ARMH4: variants seen among roughly 807,000 people sequenced by gnomAD.
ARMH4 encodes armadillo-like helical domain-containing protein 4.
In ARMH4, 49 loss-of-function variants were observed where a neutral mutation model predicts 61.9. The ratio of observed to expected loss-of-function variants is 0.79; its 90% CI spans 0.63 to 1.00. The LOEUF (loss-of-function observed/expected upper bound fraction) is 1.00. Ranked by LOEUF, ARMH4 falls within the 50% of genes least tolerant of loss-of-function variation. ARMH4 has a pLI of 0.00. For missense variants in ARMH4, 934 were observed against 930.0 expected (o/e 1.00, Z -0.06); for synonymous variants, 368 against 341.5 (o/e 1.08, Z -0.85).
chr14:58,007,411 T>C (rs886948177), intron 6 of ARMH4, among the ~76,000 whole-genome samples: 11 of 152,238 alleles, frequency 7.2e-5, no homozygotes, highest in Non-Finnish European at 1.5e-4. Flanking sequence ...TGTTTTAAAG[T>C]ATACTTTCAT....
chr14:58,131,874 T>C (rs1156958763), intron 3 of ARMH4, among the ~76,000 whole-genome samples, 153 bp from the exon 4 acceptor site: 1 of 152,234 alleles, frequency 6.6e-6, no homozygotes, highest in East Asian at 1.9e-4. Context: ...TCCCATATTG[T>C]ATTAATCCAA....
chr14:58,070,625 C>T (rs1039874374), intron 5 of ARMH4, among the ~76,000 whole-genome samples: 1 of 152,196 alleles, frequency 6.6e-6, no homozygotes, highest in African/African-American at 2.4e-5. Flanking sequence ...TTTCACTGTT[C>T]TGAATGTCCA....
intron 5 of ARMH4, among the ~76,000 whole-genome samples, chr14:58,045,054 CG>C (rs1883882789): frequency 1.3e-5 from 2 of 152,146 alleles, no homozygotes; most frequent in South Asian, 4.1e-4. Context: ...GACAGTATGG[CG>C]ATTCCTCAGG....
chr14:58,050,733 A>C (rs956744029), intron 5 of ARMH4, among the ~76,000 whole-genome samples: 1 of 152,064 alleles, frequency 6.6e-6, no homozygotes, highest in Admixed American at 6.5e-5. Flanking sequence ...GCAGGTCAAC[A>C]ATGTTAAGTA....
At chr14:58,110,016 C>A (rs935530487) in intron 4 of ARMH4, among the ~76,000 whole-genome samples, 3 of 152,154 alleles carry the variant, frequency 2.0e-5, no homozygotes, top group Non-Finnish European at 4.4e-5. Context: ...CTCACTACCA[C>A]AAGAACAGCA....
At chr14:58,094,989 G>C (rs1885700134) in intron 5 of ARMH4, among the ~76,000 whole-genome samples, 1 of 152,174 alleles carries the variant, frequency 6.6e-6, no homozygotes, top group African/African-American at 2.4e-5. Context: ...CTATTCAGTG[G>C]TAAATTTGCA....
rs1887425722 is a variant in ARMH4, at chr14:58,138,906, C to T, written c.453G>A (p.Ala151=). The stretch of plus-strand genomic sequence containing the variant: ...TTTCATCAACAGTCAGAGAAGGAGT[C>T]GCAGTGATAGCAATGGTTAACATGG... ...AKAMLTIAIT[A]TPSLTVDEKE... The change falls in exon 2 of 8, where the codon GCG becomes GCA. Residue 151 remains alanine, a synonymous_variant. Transcript: ENST00000267485. The T allele has an allele frequency of 1.2e-6, 2 of 1,614,132 alleles. No individual in the cohort carries two copies. Among genetic ancestry groups the T allele is most frequent in the Non-Finnish European group, 1.7e-6 (2 of 1,180,030 alleles).
At chr14:58,136,389 A>G (rs924271877) in intron 2 of ARMH4, among the ~76,000 whole-genome samples, 2 of 152,200 alleles carry the variant, frequency 1.3e-5, no homozygotes, top group African/African-American at 4.8e-5. Flanking sequence ...GAAGAACTGA[A>G]GTAAACTTGT....
At chr14:58,086,829 G>A (rs1045600125) in intron 5 of ARMH4, among the ~76,000 whole-genome samples, 1 of 152,174 alleles carries the variant, frequency 6.6e-6, no homozygotes, top group Non-Finnish European at 1.5e-5. Flanking sequence ...GTGAGTTAGG[G>A]TTCCCAGGAA....
rs766680136 is a variant in ARMH4, at chr14:58,005,178, C to T, written c.2126G>A (p.Gly709Asp). ...SWMEKLKDKA[G>D]YMSGMLVPVG... Reference sequence around the variant, plus strand: ...AGGCACCAGCATCCCAGACATGTAACCAGCCTGCATAGAAAAGGAAACACA... The same window carrying T: ...AGGCACCAGCATCCCAGACATGTAATCAGCCTGCATAGAAAAGGAAACACA... Residue 709 changes from glycine (G) to aspartate (D), a missense_variant, in exon 7 of 8, where the codon GGT (glycine) becomes GAT (aspartate). Transcript: ENST00000267485. The T allele has an allele frequency of 6.2e-7, 1 of 1,613,914 alleles. No homozygotes were observed. The highest frequency in any genetic ancestry group is 8.5e-7 in the Non-Finnish European group (1 of 1,179,894).
In ARMH4 at chr14:58,045,229, T is replaced by C. The variant is rs574703269; in HGVS notation, c.2090-33079A>G. 3.7e-3 allele frequency among the ~76,000 whole-genome samples: 567 copies of C among 152,250 alleles called. 4 individuals carry two copies. Among genetic ancestry groups the C allele is most frequent in the African/African-American group, 0.013 (543 of 41,542 alleles). ...AACCAACCCAAATGTCCAATAATGA[T>C]AGACTGGATTAAGACAATGTGGCAC... On this transcript the variant is annotated intron_variant, in intron 5 of 7. Coordinates refer to ENST00000267485, the MANE Select transcript of ARMH4 (RefSeq NM_001001872.4).
At position 58,103,525 on chromosome 14, in the gene ARMH4, C is replaced by CA. The variant is rs796318397; in HGVS notation, c.1832-6545dup. Among the ~76,000 whole-genome samples the CA allele has an allele frequency of 3.1e-3, 465 of 149,852 alleles. 1 individual carries two copies. Among genetic ancestry groups the CA allele is most frequent in the African/African-American group, 9.8e-3 (400 of 40,826 alleles). On this transcript the variant is annotated intron_variant, in intron 4 of 7. Transcript: ENST00000267485. ...TCATAAAACCAACTCCCGCCCCCCC[C>CA]AAAAAAAAACCCTACTTAAAAACTT...
At position 58,109,692 on chromosome 14, in the gene ARMH4, A is replaced by T. The variant is rs904051560; in HGVS notation, c.1832-12711T>A. ...GCTGTTCTGAATTAATGCAATGTAAAAATAAAATAATGAAATCTTACTGTT... is the reference window on the plus strand; with the variant it reads ...GCTGTTCTGAATTAATGCAATGTAATAATAAAATAATGAAATCTTACTGTT... On this transcript the variant is annotated intron_variant, in intron 4 of 7. Coordinates refer to ENST00000267485, the MANE Select transcript of ARMH4 (RefSeq NM_001001872.4). Among the ~76,000 whole-genome samples the T allele has an allele frequency of 3.3e-5, 5 of 152,224 alleles. No homozygotes were observed. In the East Asian group the frequency reaches 7.7e-4, roughly 23 times the overall value.
rs368781603 is a variant in ARMH4, at chr14:58,139,196, G to T, written c.163C>A (p.Leu55Ile). Residue 55 changes from leucine to isoleucine, a missense_variant, in exon 2 of 8, where the codon CTA (leucine) becomes ATA (isoleucine). Physicochemically the swap from Leu to Ile is conservative, Grantham distance 5 (BLOSUM62 2). Transcript: ENST00000267485. ...GQSDKMNTDD[L>I]ENSSVTSKQT... ...TTTGAGGTAACAGAGCTATTTTCTA[G>T]GTCATCGGTGTTCATCTTATCGGAC... is the stretch of plus-strand genomic sequence containing the variant. 5 of 1,614,076 alleles carry T rather than the reference G, an allele frequency of 3.1e-6. No homozygotes were observed. The African/African-American group carries it at 6.7e-5, about 22-fold the overall frequency.
intron 5 of ARMH4, among the ~76,000 whole-genome samples, chr14:58,063,499 T>C (rs981088795): frequency 4.0e-5 from 6 of 151,502 alleles, no homozygotes; most frequent in African/African-American, 1.5e-4. Context: ...ATGTGTTCTT[T>C]TAAAATAACA....
chr14:58,098,976 G>A (rs369012575), intron 4 of ARMH4, among the ~76,000 whole-genome samples: 1 of 152,242 alleles, frequency 6.6e-6, no homozygotes, highest in South Asian at 2.1e-4. Flanking sequence ...GGTACAATCT[G>A]GAAAGAGGAG....
intron 4 of ARMH4, among the ~76,000 whole-genome samples, chr14:58,106,765 T>C (rs1886178650): frequency 6.6e-6 from 1 of 151,872 alleles, no homozygotes; most frequent in Admixed American, 6.6e-5. Flanking sequence ...GAACAAGTTT[T>C]ATAAGTTTTG....
At chr14:58,006,432 A>C (rs1010118423) in intron 6 of ARMH4, among the ~76,000 whole-genome samples, 11 of 152,224 alleles carry the variant, frequency 7.2e-5, no homozygotes, top group African/African-American at 2.7e-4. Flanking sequence ...TGAAGTATGC[A>C]GGCTGTGATG....
intron 5 of ARMH4, among the ~76,000 whole-genome samples, chr14:58,079,961 G>A (rs1885165512): frequency 6.6e-6 from 1 of 152,114 alleles, no homozygotes; most frequent in African/African-American, 2.4e-5. Flanking sequence ...GGATTATGGT[G>A]AAAGAGTTGT....
Sources: gnomAD v4.1 joint callset for allele counts (sites outside exome capture counted in the v4.1 genomes callset) on GRCh38, gnomAD v4.1.1 for gene constraint, MANE v1.5 for transcripts, NCBI Gene and HGNC (gene_info 2026-07-23, HGNC 2026-07-21) for gene names.